PPP2R2B: variants seen among roughly 807,000 people sequenced by gnomAD.
PPP2R2B encodes the protein serine/threonine-protein phosphatase 2A 55 kDa regulatory subunit B beta isoform.
Under a neutral mutation model 46.0 loss-of-function variants are expected in PPP2R2B, and 5 were observed. That is an observed-to-expected ratio of 0.11 (90% CI 0.06 to 0.23). PPP2R2B has a LOEUF of 0.23. PPP2R2B is among the 10% of genes least tolerant of loss of function. PPP2R2B has a pLI of 1.00. For synonymous variants in PPP2R2B, 215 were observed against 206.7 expected, an observed-to-expected ratio of 1.04 and a Z score of -0.34; for missense variants, 367 against 575.0, an observed-to-expected ratio of 0.64 and a Z score of 3.70.
In PPP2R2B at chr5:146,677,063, T is replaced by G. The variant is rs1777778668; in HGVS notation, c.447+14065A>C. Among the ~76,000 whole-genome samples, 3 of 147,050 alleles carry G rather than the reference T, an allele frequency of 2.0e-5. No individual in the cohort carries two copies. In the South Asian group the frequency reaches 6.4e-4, roughly 32 times the overall value. ...ACTCCTATCTTTGTTGTCTGCTTTG[T>G]CTGCTTTGACGATCTTATGTTTCCC... is the stretch of plus-strand genomic sequence containing the variant. On this transcript the variant is annotated intron_variant, in intron 5 of 9. Transcript: ENST00000394411.
At chr5:146,747,198 G>GA (rs370166891) in intron 2 of PPP2R2B, among the ~76,000 whole-genome samples, 13 of 152,276 alleles carry the variant, frequency 8.5e-5, no homozygotes, top group African/African-American at 3.1e-4. Context: ...CGCTGAGTCA[G>GA]AAAAAATGGC....
intron 1 of PPP2R2B, among the ~76,000 whole-genome samples, chr5:146,948,419 G>A (rs1200639109): frequency 6.6e-6 from 1 of 152,032 alleles, no homozygotes; most frequent in Non-Finnish European, 1.5e-5. Flanking sequence ...TGAAGTCCTT[G>A]ATACTGTTCC....
intron 2 of PPP2R2B, among the ~76,000 whole-genome samples, chr5:146,855,530 T>G (rs1760606310): frequency 6.6e-6 from 1 of 152,112 alleles, no homozygotes; most frequent in South Asian, 2.1e-4. Context: ...TTTCTTCCCT[T>G]TTTGAACTGT....
intron 1 of PPP2R2B, chr5:147,055,621 C>A (rs1465012751): frequency 6.5e-7 from 1 of 1,545,192 alleles, no homozygotes; most frequent in Non-Finnish European, 8.9e-7. Flanking sequence ...GACACCAGCC[C>A]ACTTTTCCCA....
intron 5 of PPP2R2B, among the ~76,000 whole-genome samples, chr5:146,686,212 A>T (rs1778492156): frequency 2.6e-5 from 4 of 152,208 alleles, no homozygotes; most frequent in African/African-American, 7.2e-5. Flanking sequence ...CAGGTGCCGG[A>T]GTTGCAGGAG....
At chr5:146,595,571 T>C (rs1282299010) in intron 8 of PPP2R2B, among the ~76,000 whole-genome samples, 1 of 152,200 alleles carries the variant, frequency 6.6e-6, no homozygotes, top group Non-Finnish European at 1.5e-5. Context: ...AACCATTATT[T>C]CTCCACCATA....
upstream of PPP2R2B, among the ~76,000 whole-genome samples, chr5:147,059,265 A>G (rs952522181): frequency 3.9e-5 from 6 of 152,226 alleles, no homozygotes; most frequent in Non-Finnish European, 7.3e-5. Flanking sequence ...TTGGGATTAT[A>G]AAGCCCCAAA....
intron 2 of PPP2R2B, among the ~76,000 whole-genome samples, chr5:146,767,367 G>T (rs1289597002): frequency 6.6e-6 from 1 of 151,970 alleles, no homozygotes; most frequent in African/African-American, 2.4e-5. Context: ...AAATGCTCCT[G>T]GTACCATATT....
At chr5:146,865,149 G>A (rs1268844599) in intron 2 of PPP2R2B, among the ~76,000 whole-genome samples, 1 of 152,080 alleles carries the variant, frequency 6.6e-6, no homozygotes, top group Non-Finnish European at 1.5e-5. Context: ...TTAGGCAACA[G>A]GCAAAATTGT....
chr5:146,810,317 C>T (rs1479941540), intron 2 of PPP2R2B, among the ~76,000 whole-genome samples: 2 of 152,014 alleles, frequency 1.3e-5, no homozygotes, highest in African/African-American at 4.8e-5. Context: ...TGGTGGCGGG[C>T]AAGAGAAGAC....
chr5:146,598,502 A>G (rs891074102), intron 8 of PPP2R2B, among the ~76,000 whole-genome samples: 11 of 152,318 alleles, frequency 7.2e-5, no homozygotes, highest in Admixed American at 2.0e-4. Flanking sequence ...TTGAAGCTAA[A>G]TATATCCAGA....
intron 2 of PPP2R2B, among the ~76,000 whole-genome samples, chr5:146,781,455 C>T (rs1383693627): frequency 6.6e-6 from 1 of 151,676 alleles, no homozygotes; most frequent in East Asian, 1.9e-4. Flanking sequence ...CACTCGACCA[C>T]CTGGATATTT....
At chr5:146,942,383 T>G (rs1023918146) in intron 1 of PPP2R2B, among the ~76,000 whole-genome samples, 5 of 152,188 alleles carry the variant, frequency 3.3e-5, no homozygotes, top group Admixed American at 2.6e-4. Flanking sequence ...ACAAATGTTC[T>G]TTTCTTATAC....
chr5:146,906,164 G>T (rs919485348), intron 1 of PPP2R2B, among the ~76,000 whole-genome samples: 2 of 151,978 alleles, frequency 1.3e-5, no homozygotes, highest in Admixed American at 1.3e-4. Flanking sequence ...AGACTTGAAA[G>T]AATGGATGTG....
At position 146,878,397 on chromosome 5, in the gene PPP2R2B, T is replaced by TCC; in HGVS notation, c.-125+192_-125+193dup. On this transcript the variant is annotated intron_variant, in intron 1 of 9. Coordinates refer to ENST00000394411, the MANE Select transcript of PPP2R2B (RefSeq NM_181675.4). This position sits in a 1 kb window ranked among gnomAD's most constrained non-coding sequence, Gnocchi z 4.5. ...ATACGCCGTGCCCCGAGGGGTCTGGTCCCGCCCGCCCGCCCCGGAGGCGCT... is the reference window on the plus strand; with the variant it reads ...ATACGCCGTGCCCCGAGGGGTCTGGTCCCCCGCCCGCCCGCCCCGGAGGCGCT... 1.5e-6 allele frequency: 2 copies of TCC among 1,370,776 alleles called. No homozygotes were observed. Among genetic ancestry groups the TCC allele is most frequent in the Non-Finnish European group, 1.9e-6 (2 of 1,048,004 alleles). 84.9% of individuals were successfully genotyped at this position (1,370,776 alleles called of 1,614,324 possible).
intron 1 of PPP2R2B, among the ~76,000 whole-genome samples, chr5:147,000,065 A>C (rs1754095314): frequency 6.6e-6 from 1 of 152,192 alleles, no homozygotes; most frequent in South Asian, 2.1e-4. Context: ...CAAGGCTGTG[A>C]TGATGGTGAC....
chr5:146,663,477 A>G lies in PPP2R2B; in HGVS notation c.448-12753T>C, dbSNP rs1776794616. Among the ~76,000 whole-genome samples, 4 of 64,516 alleles carry G rather than the reference A, an allele frequency of 6.2e-5. No homozygotes were observed. In the South Asian group the frequency reaches 1.5e-3, roughly 24 times the overall value. The allele number at this position is 64,516 out of a possible 152,430, so 42.3% of individuals were successfully genotyped here. A position where few individuals can be genotyped will look rare whatever the true frequency, so the allele number is the denominator to read the frequency against. On this transcript the variant is annotated intron_variant, in intron 5 of 9. Coordinates refer to ENST00000394411, the MANE Select transcript of PPP2R2B (RefSeq NM_181675.4). ...AATCCATCCTATAAAAACATCCGTA[A>G]ATAACAATATACAGGCATGTCCCAG...
chr5:146,929,586 T>C (rs1763899750), intron 1 of PPP2R2B, among the ~76,000 whole-genome samples: 1 of 152,112 alleles, frequency 6.6e-6, no homozygotes, highest in Non-Finnish European at 1.5e-5. Context: ...TCTTGGTCAA[T>C]CATGGGGTAC....
intron 1 of PPP2R2B, among the ~76,000 whole-genome samples, chr5:146,897,846 A>G (rs975790492): frequency 7.2e-5 from 11 of 152,206 alleles, no homozygotes; most frequent in African/African-American, 2.7e-4. Flanking sequence ...TGGCAAATTT[A>G]TTTTTAAATT....
Sources: gnomAD v4.1 joint callset for allele counts (sites outside exome capture counted in the v4.1 genomes callset) on GRCh38, gnomAD v4.1.1 for gene constraint, Gnocchi (gnomAD v3.1) non-coding constraint, MANE v1.5 for transcripts, NCBI Gene and HGNC (gene_info 2026-07-23, HGNC 2026-07-21) for gene names.